The following DLG4 variants were observed in gnomAD, a reference collection of about 807,000 sequenced individuals.
DLG4 encodes the protein disks large homolog 4.
Under a neutral mutation model 93.8 loss-of-function variants are expected in DLG4, and 7 were observed. The ratio of observed to expected loss-of-function variants is 0.07; its 90% CI spans 0.04 to 0.14. The LOEUF (loss-of-function observed/expected upper bound fraction) is 0.14. DLG4 is among the 10% of genes least tolerant of loss of function. The pLI is 1.00. For synonymous variants in DLG4, 341 were observed against 387.6 expected (o/e 0.88, Z 1.41); for missense variants, 545 against 992.9 (o/e 0.55, Z 6.06).
Position 7,193,897 on chromosome 17 carries a change from G to T in DLG4, c.1516-26C>A, listed in dbSNP as rs1002079787. On this transcript the variant is annotated intron_variant, in intron 13 of 19. Transcript: ENST00000399506. This position sits in a 1 kb window ranked among gnomAD's most constrained non-coding sequence, Gnocchi z 6.7. Reference sequence around the variant, plus strand: ...CTAAGAAGAAAAAGCAGGCCACGGGGTTAGTTATGAGCTCAGCTCCATGAG... The same window carrying T: ...CTAAGAAGAAAAAGCAGGCCACGGGTTTAGTTATGAGCTCAGCTCCATGAG... 6.2e-7 allele frequency: 1 copy of T among 1,612,764 alleles called. No homozygotes were observed. The highest frequency in any genetic ancestry group is 1.7e-5 in the Admixed American group (1 of 59,828).
chr17:7,209,761 C>T (rs1027173737), intron 1 of DLG4, among the ~76,000 whole-genome samples: 1 of 152,152 alleles, frequency 6.6e-6, no homozygotes, highest in Non-Finnish European at 1.5e-5. Flanking sequence ...CAGAGTAAGA[C>T]CCTGTCTCAA....
intron 1 of DLG4, among the ~76,000 whole-genome samples, chr17:7,214,200 C>T (rs1219861314): frequency 1.3e-5 from 2 of 152,148 alleles, no homozygotes; most frequent in Non-Finnish European, 2.9e-5. Flanking sequence ...GACTTCCCAA[C>T]CCCCGGATTC....
In DLG4 at chr17:7,188,026, C is replaced by T. The variant is rs570950917; in HGVS notation, c.*2682G>A. 2.8e-4 allele frequency among the ~76,000 whole-genome samples: 43 copies of T among 151,082 alleles called. No homozygotes were observed. Among genetic ancestry groups the T allele is most frequent in the South Asian group, 2.3e-3 (11 of 4,776 alleles). On this transcript the variant is annotated 3_prime_UTR_variant, in exon 20 of 20. Transcript: ENST00000399506. ...TGGAGGTTGCAGTGAGCCGAGATCG[C>T]GCCATTGCACTCCAGCTTGGGCAAC...
chr17:7,206,593 T>C (rs138123678), intron 2 of DLG4, among the ~76,000 whole-genome samples: 3 of 152,228 alleles, frequency 2.0e-5, no homozygotes, highest in Non-Finnish European at 4.4e-5. Flanking sequence ...TAGTCTTCTT[T>C]CCCTCACTCC....
Position 7,208,300 on chromosome 17 carries a change from C to T in DLG4, c.31-61G>A, listed in dbSNP as rs542295357. The T allele has an allele frequency of 1.4e-4, 185 of 1,289,886 alleles. No individual in the cohort carries two copies. The East Asian group carries it at 3.2e-3, about 22-fold the overall frequency. The allele number at this position is 1,289,886 out of a possible 1,614,324, so 79.9% of individuals were successfully genotyped here. ...CCGGTGCCTCAGGCTCCAGGCTGGC[C>T]GCCCTGGCCGCCGCCTCTTCCCCCA... On this transcript the variant is annotated intron_variant, in intron 1 of 19. Transcript: ENST00000399506. The surrounding 1 kb of genome is among the most constrained non-coding windows in gnomAD (Gnocchi z 5.4).
chr17:7,205,174 G>C, intron 2 of DLG4: 1 of 985,414 alleles, frequency 1.0e-6, no homozygotes, highest in African/African-American at 1.7e-5. Context: ...GCAGTGCAAA[G>C]GACGTCAGGA....
chr17:7,202,639 T>C, intron 8 of DLG4: 1 of 533,916 alleles, frequency 1.9e-6, no homozygotes, highest in South Asian at 3.2e-5. Flanking sequence ...AGAAGAATTA[T>C]CTATTCCTTG....
chr17:7,196,163 C>T lies in DLG4; in HGVS notation c.1301+57G>A. On this transcript the variant is annotated intron_variant, in intron 11 of 19. Coordinates refer to ENST00000399506, the MANE Select transcript of DLG4 (RefSeq NM_001321075.3). This position sits in a 1 kb window ranked among gnomAD's most constrained non-coding sequence, Gnocchi z 8.3. ...AGGAGCGGCTGAGGCCCGGGCCAGGCACAGAGTGCCCAGGAACGCAGAGGG... is the reference window on the plus strand; with the variant it reads ...AGGAGCGGCTGAGGCCCGGGCCAGGTACAGAGTGCCCAGGAACGCAGAGGG... 1 of 1,389,778 alleles carries T rather than the reference C, an allele frequency of 7.2e-7. No homozygotes were observed. Among genetic ancestry groups the T allele is most frequent in the South Asian group, 1.2e-5 (1 of 84,360 alleles). The allele number at this position is 1,389,778 out of a possible 1,614,324, so 86.1% of individuals were successfully genotyped here.
Position 7,193,437 on chromosome 17 carries a change from C to T in DLG4, c.1693+46G>A, listed in dbSNP as rs929828434. On this transcript the variant is annotated intron_variant, in intron 16 of 19. Coordinates refer to ENST00000399506, the MANE Select transcript of DLG4 (RefSeq NM_001321075.3). The surrounding 1 kb of genome is among the most constrained non-coding windows in gnomAD (Gnocchi z 6.7). ...CCCCAGGGATGGGCCTCCCCTGCCC[C>T]ACCCCCACTTCCACCTTCTCCTCCA... The T allele has an allele frequency of 7.4e-6, 11 of 1,495,782 alleles. No homozygotes were observed. Among genetic ancestry groups the T allele is most frequent in the African/African-American group, 4.2e-5 (3 of 71,216 alleles). The allele number at this position is 1,495,782 out of a possible 1,614,324, so 92.7% of individuals were successfully genotyped here.
chr17:7,194,261 G>A lies in DLG4; in HGVS notation c.1478+58C>T, dbSNP rs1168820175. 3.2e-6 allele frequency: 5 copies of A among 1,554,216 alleles called. No homozygotes were observed. In the East Asian group the frequency reaches 7.2e-5, roughly 22 times the overall value. On this transcript the variant is annotated intron_variant, in intron 12 of 19. Transcript: ENST00000399506. The surrounding 1 kb of genome is among the most constrained non-coding windows in gnomAD (Gnocchi z 4.4). Reference sequence around the variant, plus strand: ...ATCCCCTGTTGGCTGCCCACCCCGGGGGACCTTGGGAACTTCAGTGCCTGT... The same window carrying A: ...ATCCCCTGTTGGCTGCCCACCCCGGAGGACCTTGGGAACTTCAGTGCCTGT...
chr17:7,208,301 GCCCTGGCCGCCGCCTCTTC>G lies in DLG4; in HGVS notation c.31-81_31-63del, dbSNP rs1319129998. Reference sequence around the variant, plus strand: ...CGGTGCCTCAGGCTCCAGGCTGGCCGCCCTGGCCGCCGCCTCTTCCCCCAGCCAGTGCAGTGCGGAAGGC... The same window carrying G: ...CGGTGCCTCAGGCTCCAGGCTGGCCGCCCCAGCCAGTGCAGTGCGGAAGGC... On this transcript the variant is annotated intron_variant, in intron 1 of 19. Coordinates refer to ENST00000399506, the MANE Select transcript of DLG4 (RefSeq NM_001321075.3). The surrounding 1 kb of genome is among the most constrained non-coding windows in gnomAD (Gnocchi z 5.4). 2.3e-6 allele frequency: 3 copies of G among 1,287,582 alleles called. No homozygotes were observed. In the East Asian group the frequency reaches 8.4e-5, roughly 36 times the overall value. 79.8% of individuals were successfully genotyped at this position (1,287,582 alleles called of 1,614,324 possible). A position where few individuals can be genotyped will look rare whatever the true frequency, so the allele number is the denominator to read the frequency against.
chr17:7,204,143 C>T (rs886727006), intron 3 of DLG4, 56 bp downstream of exon 3: 1 of 1,601,660 alleles, frequency 6.2e-7, no homozygotes, highest in Middle Eastern at 1.7e-4. Context: ...TGCTGCCCTC[C>T]CTTACTCCCT....
intron 1 of DLG4, chr17:7,211,582 G>C (rs1455123787): frequency 2.4e-5 from 13 of 539,380 alleles, no homozygotes; most frequent in African/African-American, 4.1e-5. Flanking sequence ...GAGCGACAGC[G>C]CTTGAAGCTT....
At chr17:7,219,936 C>CGGG (rs1555527399), upstream of DLG4, 1 of 1,578,412 alleles carries the variant, frequency 6.3e-7, no homozygotes, top group Non-Finnish European at 8.6e-7. Context: ...GTGCAGGACG[C>CGGG]CAGAGCTGGG....
chr17:7,214,724 C>T (rs1260047799), intron 1 of DLG4, among the ~76,000 whole-genome samples: 1 of 152,212 alleles, frequency 6.6e-6, no homozygotes, highest in Non-Finnish European at 1.5e-5. Context: ...GTTACCATGG[C>T]AACGGCGGCA....
upstream of DLG4, chr17:7,218,165 T>A (rs2071019834): frequency 7.5e-7 from 1 of 1,324,538 alleles, no homozygotes; most frequent in African/African-American, 1.5e-5. Context: ...TTCCAGGTAA[T>A]ATTAGTGATA....
chr17:7,216,794 G>A (rs911113577), intron 1 of DLG4, among the ~76,000 whole-genome samples: 8 of 151,698 alleles, frequency 5.3e-5, no homozygotes, highest in Admixed American at 2.6e-4. Context: ...ACACCAGCAG[G>A]ACTCCCTTAT....
chr17:7,213,825 C>G (rs1333656634), intron 1 of DLG4: 1 of 471,170 alleles, frequency 2.1e-6, no homozygotes, highest in Non-Finnish European at 4.4e-6. Context: ...CCCCGTTGAT[C>G]GGCATCTGTT....
Position 7,193,088 on chromosome 17 carries a change from T to C in DLG4, c.1723A>G (p.Ile575Val). Residue 575 changes from isoleucine to valine, a missense_variant, in exon 17 of 20, where the codon ATA becomes GTA. Around this residue, in one of 5 missense-constraint regions of DLG4, gnomAD observed 428 missense variants for 741.4 expected, o/e 0.58. Transcript: ENST00000399506. This position sits in a 1 kb window ranked among gnomAD's most constrained non-coding sequence, Gnocchi z 6.7. ...HTTRPKREYE[I>V]DGRDYHFVSS... ...ACAAAGTGGTAATCCCGGCCATCTA[T>C]CTCATACTCCCGCTTGGGCCGTGTC... is the stretch of plus-strand genomic sequence containing the variant. The C allele has an allele frequency of 6.2e-7, 1 of 1,613,690 alleles. No individual in the cohort carries two copies. Among genetic ancestry groups the C allele is most frequent in the Non-Finnish European group, 8.5e-7 (1 of 1,179,764 alleles).
Sources: allele counts gnomAD v4.1 joint callset (sites outside exome capture counted in the v4.1 genomes callset), GRCh38; gene constraint gnomAD v4.1.1; regional missense constraint gnomAD v4.1.1; non-coding constraint Gnocchi (gnomAD v3.1); transcripts MANE v1.5; gene names NCBI Gene and HGNC (gene_info 2026-07-23, HGNC 2026-07-21).